PITPNA: variants seen among roughly 807,000 people sequenced by gnomAD.
PITPNA encodes phosphatidylinositol transfer protein alpha.
Under a neutral mutation model 50.3 loss-of-function variants are expected in PITPNA, and 13 were observed. The ratio of observed to expected loss-of-function variants is 0.26; its 90% CI spans 0.17 to 0.41. The LOEUF is 0.41. Among genes scored for constraint, PITPNA ranks in the 10% least tolerant of loss-of-function variants. The pLI, the probability that PITPNA is intolerant of heterozygous loss-of-function variation, is 1.00. For missense variants in PITPNA, 207 were observed against 333.4 expected, an observed-to-expected ratio of 0.62 and a Z score of 2.95; for synonymous variants, 120 against 119.6, an observed-to-expected ratio of 1.00 and a Z score of -0.02.
At chr17:1,529,321 G>A (rs769016599) in intron 10 of PITPNA, among the ~76,000 whole-genome samples, 10 of 149,912 alleles carry the variant, frequency 6.7e-5, no homozygotes, top group African/African-American at 9.8e-5. Flanking sequence ...TCAGGAGTTC[G>A]AGACTAGTCT....
At chr17:1,521,431 GGAAGT>G in intron 11 of PITPNA, 143 bp downstream of exon 11, 2 of 652,078 alleles carry the variant, frequency 3.1e-6, no homozygotes. Context: ...ATCTCCTAGT[GGAAGT>G]GGAGAGCTAT....
At chr17:1,552,508 C>T (rs2075714849) in intron 3 of PITPNA, among the ~76,000 whole-genome samples, 1 of 152,134 alleles carries the variant, frequency 6.6e-6, no homozygotes, top group East Asian at 1.9e-4. Flanking sequence ...AAGAGAGGTA[C>T]CAAAATTTCT....
chr17:1,520,906 A>G (rs947487206), intron 11 of PITPNA, among the ~76,000 whole-genome samples: 1 of 152,126 alleles, frequency 6.6e-6, no homozygotes, highest in Non-Finnish European at 1.5e-5. Context: ...TCATTCAGTG[A>G]TTAAGACTGC....
intron 1 of PITPNA, chr17:1,559,726 G>A (rs2151015511): frequency 3.1e-6 from 3 of 978,990 alleles, no homozygotes; most frequent in Non-Finnish European, 2.4e-6. Context: ...GAAGCAAGAA[G>A]GACACAGAGG....
At chr17:1,546,281 G>A (rs2075673839) in intron 4 of PITPNA, among the ~76,000 whole-genome samples, 1 of 152,062 alleles carries the variant, frequency 6.6e-6, no homozygotes, top group East Asian at 1.9e-4. Context: ...CTAACTTCCA[G>A]CCCAGTGCTT....
At chr17:1,525,845 CTG>C in intron 10 of PITPNA, among the ~76,000 whole-genome samples, 1 of 152,268 alleles carries the variant, frequency 6.6e-6, no homozygotes, top group South Asian at 2.1e-4. Flanking sequence ...AAAGACAACT[CTG>C]TGATGTTAGA....
intron 2 of PITPNA, among the ~76,000 whole-genome samples, chr17:1,557,820 G>A (rs186496830): frequency 6.6e-6 from 1 of 152,326 alleles, no homozygotes; most frequent in East Asian, 1.9e-4. Context: ...ATCGTGGCTA[G>A]GGAGAGCCTC....
intron 10 of PITPNA, among the ~76,000 whole-genome samples, chr17:1,524,865 G>A (rs962483491): frequency 2.7e-5 from 4 of 149,786 alleles, no homozygotes; most frequent in South Asian, 2.1e-4. Context: ...GAAAAAAAAA[G>A]AGGTTTTCGT....
chr17:1,534,226 A>G lies in PITPNA; in HGVS notation c.646-5T>C, dbSNP rs2151005621. On this transcript the variant is annotated splice_region_variant and splice_polypyrimidine_tract_variant and intron_variant, in intron 9 of 11. Transcript: ENST00000313486. ...TGTAAACAGACGCCTCTCTTGCTAT[A>G]GAAAGGAGGGAACCACGTTAGAACG... 6 of 1,613,724 alleles carry G rather than the reference A, an allele frequency of 3.7e-6. No homozygotes were observed. Among genetic ancestry groups the G allele is most frequent in the Middle Eastern group, 1.6e-4 (1 of 6,062 alleles).
chr17:1,524,259 T>A (rs12948467), intron 10 of PITPNA, among the ~76,000 whole-genome samples: 9 of 150,074 alleles, frequency 6.0e-5, no homozygotes, highest in South Asian at 4.2e-4. Flanking sequence ...TTAGCCAGGA[T>A]GGTCTCCATG....
chr17:1,535,134 A>C lies in PITPNA; in HGVS notation c.645+48T>G, dbSNP rs199823058. On this transcript the variant is annotated intron_variant, in intron 9 of 11. Coordinates refer to ENST00000313486, the MANE Select transcript of PITPNA (RefSeq NM_006224.4). ...GGATGAAGTTCTCCACCACCCCCCC[A>C]CAACACACACACGCAGTCACTGGGA... The C allele has an allele frequency of 5.7e-4, 662 of 1,164,104 alleles. 1 individual carries two copies. Among genetic ancestry groups the C allele is most frequent in the Non-Finnish European group, 7.8e-4 (608 of 782,986 alleles). 72.1% of individuals were successfully genotyped at this position (1,164,104 alleles called of 1,614,324 possible).
chr17:1,551,499 C>T (rs1330821924), intron 3 of PITPNA, among the ~76,000 whole-genome samples: 1 of 151,970 alleles, frequency 6.6e-6, no homozygotes, highest in Admixed American at 6.6e-5. Context: ...CGCTATGTTG[C>T]CCAGGCTGGT....
chr17:1,558,509 C>A lies in PITPNA; in HGVS notation c.51+20G>T. The A allele has an allele frequency of 6.4e-7, 1 of 1,561,412 alleles. No individual in the cohort carries two copies. Among genetic ancestry groups the A allele is most frequent in the Non-Finnish European group, 8.8e-7 (1 of 1,133,404 alleles). On this transcript the variant is annotated intron_variant, in intron 2 of 11. Transcript: ENST00000313486. Reference sequence around the variant, plus strand: ...CAAACAGTTACACACAACTATGGACCAGAAAGTAAAAGGACTTACCTCATC... The same window carrying A: ...CAAACAGTTACACACAACTATGGACAAGAAAGTAAAAGGACTTACCTCATC...
chr17:1,558,614 CT>C, intron 1 of PITPNA, 55 bp from the exon 2 acceptor site: 1 of 1,241,458 alleles, frequency 8.1e-7, no homozygotes, highest in African/African-American at 1.5e-5. Flanking sequence ...CTGCTCAAGG[CT>C]CTTTAAAGCA....
Position 1,538,972 on chromosome 17 carries a change from A to G in PITPNA, c.373-20T>C. The G allele has an allele frequency of 6.4e-7, 1 of 1,555,058 alleles. No individual in the cohort carries two copies. On this transcript the variant is annotated intron_variant, in intron 6 of 11. Coordinates refer to ENST00000313486, the MANE Select transcript of PITPNA (RefSeq NM_006224.4). Reference sequence around the variant, plus strand: ...ATGCACCTGTGGGAACAAGTGGGGAACCACTATGCAGTTTTTGTCAGTTAT... The same window carrying G: ...ATGCACCTGTGGGAACAAGTGGGGAGCCACTATGCAGTTTTTGTCAGTTAT...
Position 1,534,141 on chromosome 17 carries a change from G to A in PITPNA, c.726C>T (p.Asp242=), listed in dbSNP as rs2230464. ...LDKWVDLTMD[D]IRRMEEETKR... ...TCGTCTCTTCTTCCATCCTTCGAAT[G>A]TCGTCCATGGTCAGGTCAACCCACT... Residue 242 remains aspartate (D), a synonymous_variant, in exon 10 of 12, where the codon GAC becomes GAT. Transcript: ENST00000313486. The A allele has an allele frequency of 4.8e-4, 769 of 1,613,798 alleles. 6 individuals are homozygous for A. The African/African-American group carries it at 9.0e-3, about 19-fold the overall frequency.
intron 10 of PITPNA, among the ~76,000 whole-genome samples, 164 bp from the exon 11 acceptor site, chr17:1,521,809 ATC>A (rs1415812814): frequency 4.6e-5 from 7 of 150,836 alleles, no homozygotes; most frequent in Non-Finnish European, 1.0e-4. Flanking sequence ...ACATTTCCAG[ATC>A]TGTGTCACTG....
intron 1 of PITPNA, chr17:1,559,550 C>G (rs1010246044): frequency 6.5e-6 from 1 of 153,746 alleles, no homozygotes; most frequent in African/African-American, 2.4e-5. Context: ...CGTTCGGTCC[C>G]CAGACCCTTG....
intron 2 of PITPNA, among the ~76,000 whole-genome samples, chr17:1,556,144 T>C (rs1255172453): frequency 6.6e-6 from 1 of 152,230 alleles, no homozygotes; most frequent in Non-Finnish European, 1.5e-5. Context: ...AGGTTGATCA[T>C]GAATTGTTTC....
Sources: allele counts gnomAD v4.1 joint callset (sites outside exome capture counted in the v4.1 genomes callset), GRCh38; gene constraint gnomAD v4.1.1; transcripts MANE v1.5; gene names NCBI Gene and HGNC (gene_info 2026-07-23, HGNC 2026-07-21).